The following FAT3 variants were observed in gnomAD, a reference collection of about 807,000 sequenced individuals.
FAT3 encodes protocadherin Fat 3.
Under a neutral mutation model 310.2 loss-of-function variants are expected in FAT3, and 95 were observed. The observed-to-expected ratio is 0.31, with a 90% CI of 0.26 to 0.36. FAT3 has a LOEUF of 0.36. Among genes scored for constraint, FAT3 ranks in the 10% least tolerant of loss-of-function variants. FAT3 has a pLI of 1.00. For synonymous variants in FAT3, 2,314 were observed against 2,192.9 expected (o/e 1.06, Z -1.54); for missense variants, 5,408 against 5,715.6 (o/e 0.95, Z 1.74).
At chr11:92,692,125 T>G (rs1030523216) in intron 3 of FAT3, among the ~76,000 whole-genome samples, 1 of 152,120 alleles carries the variant, frequency 6.6e-6, no homozygotes, top group African/African-American at 2.4e-5. Context: ...TGAAAAAAAT[T>G]TTTAAAAGGC....
At chr11:92,629,108 C>T (rs1397194129) in intron 3 of FAT3, among the ~76,000 whole-genome samples, 1 of 152,156 alleles carries the variant, frequency 6.6e-6, no homozygotes, top group Non-Finnish European at 1.5e-5. Context: ...TATGAGATAC[C>T]AACTAAAACT....
intron 1 of FAT3, among the ~76,000 whole-genome samples, chr11:92,332,750 A>G (rs148571757): frequency 1.8e-3 from 280 of 152,326 alleles, no homozygotes; most frequent in African/African-American, 6.3e-3. Flanking sequence ...CATGATCACA[A>G]TATCTGGCAA....
chr11:92,340,787 A>C (rs1339174499), intron 1 of FAT3, among the ~76,000 whole-genome samples: 1 of 152,168 alleles, frequency 6.6e-6, no homozygotes, highest in Non-Finnish European at 1.5e-5. Context: ...TAACTAATCC[A>C]GGCAATGTGG....
rs79786504 is a variant in FAT3, at chr11:92,591,324, A to G, written c.3607+66376A>G. Among the ~76,000 whole-genome samples the G allele has an allele frequency of 5.7e-4, 87 of 152,258 alleles. 1 individual carries two copies. The East Asian group carries it at 8.1e-3, about 14-fold the overall frequency. The stretch of plus-strand genomic sequence containing the variant: ...TTAATGGGTCCCTGCATCTGCCACA[A>G]ATGAGCTTTCTGCATTGGATTGGTT... On this transcript the variant is annotated intron_variant, in intron 3 of 27. Transcript: ENST00000525166.
intron 19 of FAT3, among the ~76,000 whole-genome samples, chr11:92,851,169 T>C (rs1202328308): frequency 1.3e-5 from 2 of 152,176 alleles, no homozygotes; most frequent in African/African-American, 4.8e-5. Context: ...GAATTTCATA[T>C]TTCGTATCAC....
chr11:92,510,219 C>G (rs1300480014), intron 2 of FAT3, among the ~76,000 whole-genome samples: 1 of 152,158 alleles, frequency 6.6e-6, no homozygotes. Context: ...ACAACCTCCA[C>G]GTTTTCAGTC....
chr11:92,823,132 C>T (rs150733415), intron 13 of FAT3, among the ~76,000 whole-genome samples: 1 of 152,236 alleles, frequency 6.6e-6, no homozygotes, highest in East Asian at 1.9e-4. Flanking sequence ...ATCCCCAGTG[C>T]CTGCCATGCA....
rs759770385 is a variant in FAT3 at position 92,834,886 on chromosome 11, T to C, written c.9888T>C (p.Ser3296=). ...TCTTCAAAGGGGGTATTTCTGTCTC[T>C]GAAGTCCTGGACTATGAATTATGCA... ...INPKTGGISV[S]EVLDYELCKR... is the part of the protein sequence containing the mutation. Residue 3296 remains serine (S), a synonymous_variant, in exon 15 of 28, where the codon TCT becomes TCC. Transcript: ENST00000525166. 89 of 1,609,626 alleles carry C rather than the reference T, an allele frequency of 5.5e-5. No individual in the cohort carries two copies. The highest frequency in any genetic ancestry group is 7.0e-5 in the Non-Finnish European group (82 of 1,177,756).
chr11:92,348,296 A>G (rs186538856), intron 1 of FAT3, among the ~76,000 whole-genome samples: 14 of 152,214 alleles, frequency 9.2e-5, no homozygotes, highest in Admixed American at 9.2e-4. Flanking sequence ...GTTTTGAAAT[A>G]TTTTCTATTT....
chr11:92,398,744 C>T (rs1949945296), intron 2 of FAT3, among the ~76,000 whole-genome samples: 1 of 152,130 alleles, frequency 6.6e-6, no homozygotes, highest in Non-Finnish European at 1.5e-5. Context: ...ATAATGCCTT[C>T]ATGTTCTGTT....
chr11:92,683,251 C>A lies in FAT3; in HGVS notation c.3608-14133C>A, dbSNP rs367570496. ...AATGCTGTTTCATAATGTATGAAGACACTTCCACACTGAAAGTTAAGAGAG... is the reference window on the plus strand; with the variant it reads ...AATGCTGTTTCATAATGTATGAAGAAACTTCCACACTGAAAGTTAAGAGAG... On this transcript the variant is annotated intron_variant, in intron 3 of 27. Coordinates refer to ENST00000525166, the MANE Select transcript of FAT3 (RefSeq NM_001367949.2). Among the ~76,000 whole-genome samples, 9 of 152,224 alleles carry A rather than the reference C, an allele frequency of 5.9e-5. No homozygotes were observed. In the East Asian group the frequency reaches 1.4e-3, roughly 23 times the overall value.
chr11:92,804,342 T>C (rs1164775233), intron 10 of FAT3, among the ~76,000 whole-genome samples: 1 of 152,100 alleles, frequency 6.6e-6, no homozygotes, highest in African/African-American at 2.4e-5. Context: ...AATGACATTT[T>C]TCCCTTCTTA....
At chr11:92,411,153 A>ATG (rs1950258403) in intron 2 of FAT3, among the ~76,000 whole-genome samples, 1 of 142,810 alleles carries the variant, frequency 7.0e-6, no homozygotes, top group Non-Finnish European at 1.5e-5. Context: ...TATAAATTAT[A>ATG]TATATATAAT....
chr11:92,783,278 A>C (rs1158339177), intron 7 of FAT3, among the ~76,000 whole-genome samples: 3 of 148,026 alleles, frequency 2.0e-5, no homozygotes, highest in African/African-American at 7.5e-5. Context: ...GAATCACTTG[A>C]ATCTGGGAGG....
rs537285148 is a variant in FAT3, at chr11:92,558,560, C to G, written c.3607+33612C>G. On this transcript the variant is annotated intron_variant, in intron 3 of 27. Transcript: ENST00000525166. ...CTATTTGTCTCTGGCATGAAGCAGG[C>G]TTAGCTCATCTGGTGCTGTCTCTGG... is the stretch of plus-strand genomic sequence containing the variant. Among the ~76,000 whole-genome samples, 3 of 152,212 alleles carry G rather than the reference C, an allele frequency of 2.0e-5. No individual in the cohort carries two copies. In the East Asian group the frequency reaches 5.8e-4, roughly 29 times the overall value.
At chr11:92,637,700 A>G (rs982047533) in intron 3 of FAT3, among the ~76,000 whole-genome samples, 7 of 152,216 alleles carry the variant, frequency 4.6e-5, no homozygotes, top group African/African-American at 1.7e-4. Context: ...GGTTATGAAG[A>G]TCTCCCAAGG....
chr11:92,788,028 C>T (rs1355921451), intron 7 of FAT3, among the ~76,000 whole-genome samples: 1 of 152,114 alleles, frequency 6.6e-6, no homozygotes, highest in Admixed American at 6.6e-5. Context: ...AGCATAATAG[C>T]CAATCCAGTA....
rs1263119514 is a variant in FAT3 at position 92,362,107 on chromosome 11, T to TTTACATTTACCTTTCTTTGCAC, written c.3292+6705_3292+6726dup. On this transcript the variant is annotated intron_variant, in intron 2 of 27. Transcript: ENST00000525166. Reference sequence around the variant, plus strand: ...AGACTCACAGGCCCGTGCCTATGCATTTACATTTACCTTTCTTTGCACTGA... The same window carrying TTTACATTTACCTTTCTTTGCAC: ...AGACTCACAGGCCCGTGCCTATGCATTTACATTTACCTTTCTTTGCACTTACATTTACCTTTCTTTGCACTGA... Among the ~76,000 whole-genome samples the TTTACATTTACCTTTCTTTGCAC allele has an allele frequency of 2.6e-5, 4 of 152,300 alleles. No individual in the cohort carries two copies. The East Asian group carries it at 7.8e-4, about 30-fold the overall frequency.
At position 92,684,912 on chromosome 11, in the gene FAT3, T is replaced by TA. The variant is rs1184160106; in HGVS notation, c.3608-12471dup. Among the ~76,000 whole-genome samples the TA allele has an allele frequency of 2.6e-5, 4 of 152,344 alleles. No individual in the cohort carries two copies. In the East Asian group the frequency reaches 7.7e-4, roughly 29 times the overall value. Reference sequence around the variant, plus strand: ...ATAAGACATGGATGATATATGCCTTTAGCACATTTCTTGCTAGATTCTTAG... The same window carrying TA: ...ATAAGACATGGATGATATATGCCTTTAAGCACATTTCTTGCTAGATTCTTAG... On this transcript the variant is annotated intron_variant, in intron 3 of 27. Coordinates refer to ENST00000525166, the MANE Select transcript of FAT3 (RefSeq NM_001367949.2).
Sources: allele counts gnomAD v4.1 joint callset (sites outside exome capture counted in the v4.1 genomes callset), GRCh38; gene constraint gnomAD v4.1.1; transcripts MANE v1.5; gene names NCBI Gene and HGNC (gene_info 2026-07-23, HGNC 2026-07-21).